The following LRPPRC variants were observed in gnomAD, a reference collection of about 807,000 sequenced individuals.
LRPPRC encodes the protein leucine-rich PPR motif-containing protein, mitochondrial.
Under a neutral mutation model 180.3 loss-of-function variants are expected in LRPPRC, and 120 were observed. The ratio of observed to expected loss-of-function variants is 0.67; its 90% confidence interval spans 0.57 to 0.77. LRPPRC has a LOEUF of 0.77. LRPPRC is among the 30% of genes least tolerant of loss of function. The pLI, the probability that LRPPRC is intolerant of heterozygous loss-of-function variation, is 0.00. For synonymous variants in LRPPRC, 723 were observed against 600.0 expected (o/e 1.21, Z -3.00); for missense variants, 2,012 against 1,657.2 (o/e 1.21, Z -3.72).
intron 1 of LRPPRC, among the ~76,000 whole-genome samples, chr2:43,993,213 T>C (rs1424524379): frequency 1.3e-5 from 2 of 152,162 alleles, no homozygotes; most frequent in Non-Finnish European, 2.9e-5. Flanking sequence ...TAAACATACA[T>C]CTTACACATA....
chr2:43,978,586 A>G (rs1312757198), intron 3 of LRPPRC, among the ~76,000 whole-genome samples: 1 of 152,050 alleles, frequency 6.6e-6, no homozygotes, highest in African/African-American at 2.4e-5. Flanking sequence ...TTAGAGATTC[A>G]ATATTTTAGC....
chr2:43,951,937 T>C (rs1672921519), intron 14 of LRPPRC, among the ~76,000 whole-genome samples: 1 of 152,210 alleles, frequency 6.6e-6, no homozygotes, highest in Non-Finnish European at 1.5e-5. Context: ...CTCACGCCTG[T>C]AATCACAGCG....
intron 25 of LRPPRC, among the ~76,000 whole-genome samples, chr2:43,933,623 A>G (rs946141070): frequency 6.6e-6 from 1 of 152,206 alleles, no homozygotes; most frequent in Non-Finnish European, 1.5e-5. Context: ...AAAATTTAGT[A>G]AAGCCTAGAT....
At chr2:43,951,076 C>A (rs1672885570) in intron 14 of LRPPRC, among the ~76,000 whole-genome samples, 1 of 152,124 alleles carries the variant, frequency 6.6e-6, no homozygotes, top group Non-Finnish European at 1.5e-5. Flanking sequence ...AGTGACTGCC[C>A]ACAGATTGCT....
In LRPPRC at chr2:43,974,148, A is replaced by AC; in HGVS notation, c.1155+1dup. 1 of 1,613,288 alleles carries AC rather than the reference A, an allele frequency of 6.2e-7. No individual in the cohort carries two copies. On this transcript the variant is annotated splice_donor_variant, in intron 9 of 37. Transcript: ENST00000260665. LOFTEE classifies it high-confidence loss of function. Reference sequence around the variant, plus strand: ...TCTACAAAGTAAAAGTGGACAGAATACCGTATTCATAGTCACACAGTGTTG... The same window carrying AC: ...TCTACAAAGTAAAAGTGGACAGAATACCCGTATTCATAGTCACACAGTGTTG...
At chr2:43,921,644 G>C (rs1191606339) in intron 27 of LRPPRC, among the ~76,000 whole-genome samples, 1 of 152,148 alleles carries the variant, frequency 6.6e-6, no homozygotes, top group Non-Finnish European at 1.5e-5. Context: ...ACAAAGTTAC[G>C]TCTGAGATAA....
At chr2:43,908,306 G>C (rs919324297) in intron 30 of LRPPRC, among the ~76,000 whole-genome samples, 3 of 152,080 alleles carry the variant, frequency 2.0e-5, no homozygotes, top group Non-Finnish European at 4.4e-5. Context: ...ATTCACTACA[G>C]ATAAATTATT....
At chr2:43,889,314 C>CA (rs780032604) in intron 37 of LRPPRC, among the ~76,000 whole-genome samples, 2,882 of 38,224 alleles carry the variant, frequency 0.075, 501 homozygotes, top group African/African-American at 0.15. Context: ...GACTCCATCT[C>CA]AAAAAAAAAA....
intron 14 of LRPPRC, among the ~76,000 whole-genome samples, chr2:43,955,264 T>TC (rs1229811645): frequency 6.6e-6 from 1 of 151,814 alleles, no homozygotes; most frequent in African/African-American, 2.4e-5. Context: ...GGCCAGGAGT[T>TC]CAAGACCAGC....
At chr2:43,888,886 G>A (rs189267492) in intron 37 of LRPPRC, among the ~76,000 whole-genome samples, 5 of 151,962 alleles carry the variant, frequency 3.3e-5, no homozygotes, top group East Asian at 1.9e-4. Context: ...GTGTGTATAC[G>A]TGTGTATGTG....
In LRPPRC at chr2:43,926,518, C is replaced by T. The variant is rs186834514; in HGVS notation, c.2737-557G>A. ...AAGTAGTTAGGATTACAGGTGTGTG[C>T]CACCACACCTGGCTAATTTTTGTAT... On this transcript the variant is annotated intron_variant, in intron 25 of 37. Transcript: ENST00000260665. 8.8e-3 allele frequency among the ~76,000 whole-genome samples: 1,342 copies of T among 152,182 alleles called. 17 individuals are homozygous for T. The highest frequency in any genetic ancestry group is 0.012 in the Non-Finnish European group (826 of 68,000).
intron 30 of LRPPRC, among the ~76,000 whole-genome samples, chr2:43,909,705 G>T (rs150966437): frequency 1.3e-5 from 2 of 151,894 alleles, no homozygotes; most frequent in East Asian, 3.9e-4. Context: ...CCTTGAAGTA[G>T]GCAATGGTTC....
chr2:43,943,654 C>T (rs1193768729), intron 23 of LRPPRC, 33 bp downstream of exon 23: 5 of 1,540,824 alleles, frequency 3.2e-6, no homozygotes, highest in Non-Finnish European at 4.5e-6. Flanking sequence ...CTTTTAATGC[C>T]AACATTTAAA....
chr2:43,925,308 G>A (rs1197051465), intron 26 of LRPPRC, 151 bp from the exon 27 acceptor site: 2 of 681,334 alleles, frequency 2.9e-6, no homozygotes, highest in African/African-American at 1.8e-5. Context: ...ACAACAATAT[G>A]AATGAACTTA....
rs1671620344 is a variant in LRPPRC, at chr2:43,919,492, T to C, written c.2897-1094A>G. On this transcript the variant is annotated intron_variant, in intron 27 of 37. Transcript: ENST00000260665. ...CCCTGTGTGATACATGGAATCTTCT[T>C]AGATTTCTTATCTCAACTGATAATG... Among the ~76,000 whole-genome samples the C allele has an allele frequency of 2.0e-5, 3 of 152,234 alleles. No homozygotes were observed. The South Asian group carries it at 6.2e-4, about 31-fold the overall frequency.
rs1313744161 is a variant in LRPPRC at position 43,896,690 on chromosome 2, C to G, written c.3844G>C (p.Glu1282Gln). 1.2e-6 allele frequency: 2 copies of G among 1,607,986 alleles called. No individual in the cohort carries two copies. The highest frequency in any genetic ancestry group is 1.7e-5 in the Admixed American group (1 of 59,986). The change falls in exon 35 of 38, where the codon GAA (glutamate) becomes CAA (glutamine). Residue 1282 changes from glutamate (E) to glutamine (Q), a missense_variant. By Grantham distance (29) the Glu-to-Gln change is conservative. Transcript: ENST00000260665. ...ALLQRCGAIA[E>Q]QTPILLLFLL... ...AACAACAACAAAATCGGGGTTTGTT[C>G]AGCAATTGCACCACATCTCTAAAAA...
At chr2:43,963,923 G>C in intron 11 of LRPPRC, 1 of 583,584 alleles carries the variant, frequency 1.7e-6, no homozygotes, top group Non-Finnish European at 3.0e-6. Context: ...TAAATTTCAA[G>C]AAACTATCCT....
intron 6 of LRPPRC, among the ~76,000 whole-genome samples, chr2:43,975,600 T>G (rs1249767334): frequency 1.3e-5 from 2 of 151,942 alleles, no homozygotes; most frequent in African/African-American, 4.8e-5. Context: ...TTTTTTTTTT[T>G]GAGATGGAGT....
In LRPPRC at chr2:43,948,208, A is replaced by C; in HGVS notation, c.1843-9T>G. 1 of 1,484,554 alleles carries C rather than the reference A, an allele frequency of 6.7e-7. No individual in the cohort carries two copies. The allele number at this position is 1,484,554 out of a possible 1,614,324, so 92.0% of individuals were successfully genotyped here. Reference sequence around the variant, plus strand: ...TCAGGAATTTTTACATTCTGTGAGAAGGGAAGGGAGGGGGGAAAAAACCTG... The same window carrying C: ...TCAGGAATTTTTACATTCTGTGAGACGGGAAGGGAGGGGGGAAAAAACCTG... On this transcript the variant is annotated splice_polypyrimidine_tract_variant and intron_variant, in intron 17 of 37. Transcript: ENST00000260665.
Sources: allele counts gnomAD v4.1 joint callset (sites outside exome capture counted in the v4.1 genomes callset), GRCh38; gene constraint gnomAD v4.1.1; transcripts MANE v1.5; gene names NCBI Gene and HGNC (gene_info 2026-07-23, HGNC 2026-07-21).